Variants in TP53INP1 observed in about 807,000 individuals in gnomAD.
TP53INP1 encodes the protein tumor protein p53 inducible nuclear protein 1, also known as tumor protein p53-inducible nuclear protein 1.
A neutral mutation model predicts 21.0 loss-of-function variants in TP53INP1; 12 were observed. That is an observed-to-expected ratio of 0.57 (90% CI 0.37 to 0.93). The LOEUF is 0.93. Among genes scored for constraint, TP53INP1 ranks in the 40% least tolerant of loss-of-function variants. The probability of loss-of-function intolerance (pLI) is 0.01; values close to 1 mark genes in which losing one functional copy is unlikely to be tolerated. For missense variants in TP53INP1, 274 were observed against 294.7 expected (o/e 0.93, Z 0.51); for synonymous variants, 91 against 94.8 (o/e 0.96, Z 0.23).
At chr8:94,946,346 A>G (rs761099968) in intron 1 of TP53INP1, among the ~76,000 whole-genome samples, 37 of 152,128 alleles carry the variant, frequency 2.4e-4, no homozygotes, top group Non-Finnish European at 3.8e-4. Context: ...TCTTGTTAGC[A>G]TAATTTATTT....
Position 94,926,043 on chromosome 8 carries a change from A to G in TP53INP1, c.*4436T>C, listed in dbSNP as rs528038060. On this transcript the variant is annotated 3_prime_UTR_variant, in exon 4 of 4. Coordinates refer to ENST00000342697, the MANE Select transcript of TP53INP1 (RefSeq NM_033285.4). ...TCCAGGTAGTGCAAAATGCACCACAACCCAATTACAAAGAACAGGTGTTAA... is the reference window on the plus strand; with the variant it reads ...TCCAGGTAGTGCAAAATGCACCACAGCCCAATTACAAAGAACAGGTGTTAA... 1 of 152,798 alleles carries G rather than the reference A, an allele frequency of 6.5e-6. No individual in the cohort carries two copies. The highest frequency in any genetic ancestry group is 1.9e-4 in the East Asian group (1 of 5,192). The allele number at this position is 152,798 out of a possible 1,614,324, so 9.5% of individuals were successfully genotyped here. A position where few individuals can be genotyped will look rare whatever the true frequency, so the allele number is the denominator to read the frequency against.
chr8:94,933,762 C>A (rs1820664817), intron 3 of TP53INP1, among the ~76,000 whole-genome samples: 1 of 118,376 alleles, frequency 8.4e-6, no homozygotes, highest in East Asian at 2.7e-4. Flanking sequence ...AAGACTCTCT[C>A]AAAAAAAACC....
intron 3 of TP53INP1, among the ~76,000 whole-genome samples, chr8:94,938,840 G>T (rs1221838196): frequency 1.3e-5 from 2 of 152,196 alleles, no homozygotes; most frequent in Non-Finnish European, 2.9e-5. Context: ...CCCAAGGAAG[G>T]GGTCGTGGGA....
intron 3 of TP53INP1, 168 bp downstream of exon 3, chr8:94,939,689 TGAC>T: frequency 9.2e-6 from 1 of 109,128 alleles, no homozygotes. Context: ...TGAGACACTG[TGAC>T]TGGTCAACAA....
chr8:94,939,912 GA>G lies in TP53INP1; in HGVS notation c.420del (p.Leu141SerfsTer55). The G allele has an allele frequency of 6.2e-7, 1 of 1,614,150 alleles. No individual in the cohort carries two copies. Among genetic ancestry groups the G allele is most frequent in the African/African-American group, 1.3e-5 (1 of 75,050 alleles). ...SVYAVHNSCP[G>X]LSEATRGTDE... ...TCAGTCCCACGGGTGGCCTCACTGA[GA>G]CCAGGGCAGGAGTTATGCACAGCAT... On this transcript the variant is annotated frameshift_variant, in exon 3 of 4. Transcript: ENST00000342697. LOFTEE classifies it high-confidence loss of function.
chr8:94,930,487 T>C lies in TP53INP1; in HGVS notation c.715A>G (p.Asn239Asp), dbSNP rs1159575409. ...VVHQPCPRQY[N>D]Y ...AACAAAACTTGAAACTATTAGTAAT[T>C]GTACTGACGCGGGCAGGGCTGATGA... Residue 239 changes from asparagine to aspartate, a missense_variant, in exon 4 of 4, where the codon AAT (asparagine) becomes GAT (aspartate). Coordinates refer to ENST00000342697, the MANE Select transcript of TP53INP1 (RefSeq NM_033285.4). 1.2e-6 allele frequency: 2 copies of C among 1,614,154 alleles called. No homozygotes were observed. Among genetic ancestry groups the C allele is most frequent in the Non-Finnish European group, 1.7e-6 (2 of 1,179,984 alleles).
chr8:94,928,096 G>C lies in TP53INP1; in HGVS notation c.*2383C>G, dbSNP rs1196601473. ...CAATACTTACATGTGCCAATTTTAG[G>C]CAGAAACCACAGTATGATATTCCAG... On this transcript the variant is annotated 3_prime_UTR_variant, in exon 4 of 4. Coordinates refer to ENST00000342697, the MANE Select transcript of TP53INP1 (RefSeq NM_033285.4). 2 of 151,980 alleles carry C rather than the reference G, an allele frequency of 1.3e-5. No individual in the cohort carries two copies. The highest frequency in any genetic ancestry group is 2.9e-5 in the Non-Finnish European group (2 of 68,026). The allele number at this position is 151,980 out of a possible 1,614,324, so 9.4% of individuals were successfully genotyped here. A position where few individuals can be genotyped will look rare whatever the true frequency, so the allele number is the denominator to read the frequency against.
rs1454898876 is a variant in TP53INP1 at position 94,927,863 on chromosome 8, TA to T, written c.*2615del. ...GTCTTATTTCTCACTGCTTGCATTT[TA>T]AAGAAATATGTCTAAAGCGCATTGT... On this transcript the variant is annotated 3_prime_UTR_variant, in exon 4 of 4. Coordinates refer to ENST00000342697, the MANE Select transcript of TP53INP1 (RefSeq NM_033285.4). 7 of 151,548 alleles carry T rather than the reference TA, an allele frequency of 4.6e-5. No individual in the cohort carries two copies. Among genetic ancestry groups the T allele is most frequent in the African/African-American group, 1.7e-4 (7 of 41,154 alleles). 9.4% of individuals were successfully genotyped at this position (151,548 alleles called of 1,614,324 possible).
chr8:94,934,470 C>G (rs1264225213), intron 3 of TP53INP1, among the ~76,000 whole-genome samples: 1 of 151,802 alleles, frequency 6.6e-6, no homozygotes, highest in African/African-American at 2.4e-5. Context: ...ACTGCAACCT[C>G]TGCCTCCCGG....
At chr8:94,944,577 A>G (rs919025466) in intron 1 of TP53INP1, among the ~76,000 whole-genome samples, 9 of 152,122 alleles carry the variant, frequency 5.9e-5, no homozygotes, top group African/African-American at 2.2e-4. Context: ...AGGACAACCA[A>G]CCTTGGGCGA....
chr8:94,931,989 CA>C, intron 3 of TP53INP1: 1 of 1,399,488 alleles, frequency 7.1e-7, no homozygotes, highest in Non-Finnish European at 9.8e-7. Context: ...GAAAGAAAGT[CA>C]TTTTTAAAAG....
At chr8:94,943,458 G>C (rs894335474) in intron 1 of TP53INP1, among the ~76,000 whole-genome samples, 6 of 152,156 alleles carry the variant, frequency 3.9e-5, no homozygotes, top group Admixed American at 1.3e-4. Context: ...CTGTACTCCA[G>C]TGTGAGTGAC....
In TP53INP1 at chr8:94,943,115, G is replaced by A. The variant is rs140786341; in HGVS notation, c.-150-2024C>T. Reference sequence around the variant, plus strand: ...TGTCCAGCAGGCAGCAGGATATAGAGCTTTGGAGCTCAGGAGTGTGGTCTC... The same window carrying A: ...TGTCCAGCAGGCAGCAGGATATAGAACTTTGGAGCTCAGGAGTGTGGTCTC... On this transcript the variant is annotated intron_variant, in intron 1 of 3. Coordinates refer to ENST00000342697, the MANE Select transcript of TP53INP1 (RefSeq NM_033285.4). Among the ~76,000 whole-genome samples the A allele has an allele frequency of 3.8e-3, 585 of 152,296 alleles. 6 individuals are homozygous for A. The highest frequency in any genetic ancestry group is 0.014 in the African/African-American group (567 of 41,556).
rs1315827507 is a variant in TP53INP1 at position 94,931,776 on chromosome 8, AG to A, written c.474-1049del. Reference sequence around the variant, plus strand: ...GATCACCTTAATAGAGTTCAAGACCAGCCTGGCCAACATGGTGAAACCCCAT... The same window carrying A: ...GATCACCTTAATAGAGTTCAAGACCACCTGGCCAACATGGTGAAACCCCAT... On this transcript the variant is annotated intron_variant, in intron 3 of 3. Coordinates refer to ENST00000342697, the MANE Select transcript of TP53INP1 (RefSeq NM_033285.4). Among the ~76,000 whole-genome samples the A allele has an allele frequency of 2.0e-5, 3 of 152,142 alleles. No individual in the cohort carries two copies. The East Asian group carries it at 5.8e-4, about 29-fold the overall frequency.
intron 1 of TP53INP1, among the ~76,000 whole-genome samples, chr8:94,946,470 G>GCAGGAGGATCACTTTAAGC (rs1215002008): frequency 6.6e-6 from 1 of 151,688 alleles, no homozygotes; most frequent in Non-Finnish European, 1.5e-5. Flanking sequence ...GGATGCCAAG[G>GCAGGAGGATCACTTTAAGC]CAGGAGGATC....
At position 94,939,788 on chromosome 8, in the gene TP53INP1, C is replaced by G. The variant is rs2123646; in HGVS notation, c.473+72G>C. ...AGTTTTGCATCTTCTAATAACTTAG[C>G]TTTGAATTACAGTAGAGACAAAATG... On this transcript the variant is annotated intron_variant, in intron 3 of 3. Coordinates refer to ENST00000342697, the MANE Select transcript of TP53INP1 (RefSeq NM_033285.4). 6.1e-3 allele frequency: 9,432 copies of G among 1,552,706 alleles called. 300 individuals carry two copies. The African/African-American group carries it at 0.088, about 14-fold the overall frequency.
intron 3 of TP53INP1, among the ~76,000 whole-genome samples, chr8:94,931,582 TTTA>T (rs1286487894): frequency 1.2e-5 from 1 of 82,284 alleles, no homozygotes; most frequent in Non-Finnish European, 2.2e-5. Context: ...AACACACATA[TTTA>T]TTACACACAC....
intron 1 of TP53INP1, among the ~76,000 whole-genome samples, chr8:94,947,209 C>T (rs1392768666): frequency 3.3e-5 from 5 of 151,234 alleles, no homozygotes; most frequent in African/African-American, 4.9e-5. Flanking sequence ...CCAGTCTCAA[C>T]TATGGGTCTA....
At chr8:94,933,260 T>C (rs1369926982) in intron 3 of TP53INP1, among the ~76,000 whole-genome samples, 2 of 152,128 alleles carry the variant, frequency 1.3e-5, no homozygotes, top group African/African-American at 2.4e-5. Flanking sequence ...CCTTTATATA[T>C]GGAAAAGTAT....
Sources: gnomAD v4.1 joint callset for allele counts (sites outside exome capture counted in the v4.1 genomes callset) on GRCh38, gnomAD v4.1.1 for gene constraint, MANE v1.5 for transcripts, NCBI Gene and HGNC (gene_info 2026-07-23, HGNC 2026-07-21) for gene names.